The following LIMD1 variants were observed in gnomAD, a reference collection of about 807,000 sequenced individuals.
LIMD1 encodes LIM domain containing 1.
In LIMD1, 23 loss-of-function variants were observed where a neutral mutation model predicts 58.4. That is an observed-to-expected ratio of 0.39 (90% CI 0.28 to 0.56). The LOEUF (loss-of-function observed/expected upper bound fraction) is 0.56. Ranked by LOEUF, LIMD1 falls within the 20% of genes least tolerant of loss-of-function variation. LIMD1 has a pLI of 0.57. For missense variants in LIMD1, 838 were observed against 855.5 expected (o/e 0.98, Z 0.25); for synonymous variants, 334 against 345.5 (o/e 0.97, Z 0.37).
intron 1 of LIMD1, among the ~76,000 whole-genome samples, chr3:45,606,717 C>T (rs1026272389): frequency 6.6e-6 from 1 of 152,192 alleles, no homozygotes; most frequent in East Asian, 1.9e-4. Context: ...TTCCCTTGGG[C>T]GTGAGCAAGA....
Position 45,595,266 on chromosome 3 carries a change from G to A in LIMD1, c.387G>A (p.Pro129=), listed in dbSNP as rs776359286. 3.1e-6 allele frequency: 5 copies of A among 1,611,596 alleles called. No homozygotes were observed. The highest frequency in any genetic ancestry group is 2.5e-6 in the Non-Finnish European group (3 of 1,179,490). ...CTGCTGGGCAGCCCCCGTACCCACC[G>A]CAGGAGCAGAGATCCAGGCCATACC... is the stretch of plus-strand genomic sequence containing the variant. ...TLAAGQPPYP[P]QEQRSRPYLH... is the part of the protein sequence containing the mutation. The change falls in exon 1 of 8, where the codon CCG becomes CCA. Residue 129 remains proline (P), a synonymous_variant. Transcript: ENST00000273317.
chr3:45,657,583 A>C (rs1697355102), intron 2 of LIMD1, among the ~76,000 whole-genome samples: 1 of 152,004 alleles, frequency 6.6e-6, no homozygotes, highest in Non-Finnish European at 1.5e-5. Flanking sequence ...TCCTGGCAGA[A>C]GAGAGAAACT....
rs10572210 is a variant in LIMD1 at position 45,658,535 on chromosome 3, C to CTTTTTTT, written c.1511-7089_1511-7083dup. Among the ~76,000 whole-genome samples, 120 of 44,778 alleles carry CTTTTTTT rather than the reference C, an allele frequency of 2.7e-3. 4 individuals carry two copies. Among genetic ancestry groups the CTTTTTTT allele is most frequent in the East Asian group, 5.3e-3 (4 of 760 alleles). The allele number at this position is 44,778 out of a possible 152,430, so 29.4% of individuals were successfully genotyped here. On this transcript the variant is annotated intron_variant, in intron 2 of 7. Transcript: ENST00000273317. ...AACCATCCCCTCCACCATGCAGATTCTTTTTTTTTTTTTTTTTTTTTTTTT... is the reference window on the plus strand; with the variant it reads ...AACCATCCCCTCCACCATGCAGATTCTTTTTTTTTTTTTTTTTTTTTTTTTTTTTTTT...
chr3:45,599,853 C>T (rs1345348194), intron 1 of LIMD1, among the ~76,000 whole-genome samples: 3 of 152,190 alleles, frequency 2.0e-5, no homozygotes, highest in Admixed American at 6.5e-5. Flanking sequence ...AGAGGGTTTG[C>T]TCCACACCTG....
chr3:45,670,798 T>C lies in LIMD1; in HGVS notation c.1642-1892T>C, dbSNP rs781674633. 6.6e-5 allele frequency among the ~76,000 whole-genome samples: 10 copies of C among 152,304 alleles called. 1 individual carries two copies. Among genetic ancestry groups the C allele is most frequent in the Admixed American group, 5.9e-4 (9 of 15,302 alleles). ...TAGTATGAAGTTGAAGCTTCAGTCT[T>C]TCAGGTCTTCCCTAGGACTTGAAAA... On this transcript the variant is annotated intron_variant, in intron 4 of 7. Coordinates refer to ENST00000273317, the MANE Select transcript of LIMD1 (RefSeq NM_014240.3).
chr3:45,631,475 G>A (rs1202766831), intron 1 of LIMD1, among the ~76,000 whole-genome samples: 1 of 151,966 alleles, frequency 6.6e-6, no homozygotes, highest in African/African-American at 2.4e-5. Context: ...CTTCTTATGG[G>A]GTCTTCCTCA....
intron 2 of LIMD1, among the ~76,000 whole-genome samples, chr3:45,648,648 A>G (rs1313820361): frequency 6.6e-6 from 1 of 152,140 alleles, no homozygotes; most frequent in East Asian, 1.9e-4. Flanking sequence ...CCTTTTGAGG[A>G]CCTGTTTTTT....
At chr3:45,669,593 C>T (rs992773088) in intron 4 of LIMD1, among the ~76,000 whole-genome samples, 2 of 152,170 alleles carry the variant, frequency 1.3e-5, no homozygotes, top group African/African-American at 4.8e-5. Context: ...AGACCCCACT[C>T]CCACAAAGGC....
intron 6 of LIMD1, 54 bp from the exon 7 acceptor site, chr3:45,674,289 G>C: frequency 2.8e-6 from 4 of 1,427,250 alleles, no homozygotes; most frequent in South Asian, 1.2e-5. Flanking sequence ...CATCAAGCCC[G>C]ACAGCCCCCC....
intron 2 of LIMD1, among the ~76,000 whole-genome samples, chr3:45,638,438 G>A (rs1420347554): frequency 2.0e-5 from 3 of 152,140 alleles, no homozygotes; most frequent in African/African-American, 7.2e-5. Flanking sequence ...TCAGCTATTT[G>A]GTTTTCTGTT....
chr3:45,627,027 A>AAGGAG (rs1701673975), intron 1 of LIMD1, among the ~76,000 whole-genome samples: 3 of 152,148 alleles, frequency 2.0e-5, no homozygotes, highest in African/African-American at 7.2e-5. Context: ...TCAAAAATCC[A>AAGGAG]CTGTGCTCCC....
rs377570801 is a variant in LIMD1 at position 45,595,098 on chromosome 3, G to A, written c.219G>A (p.Gly73=). ...QLLQEETLPR[G]SRGPVNGGGR... ...TGCAGGAGGAGACTCTGCCCAGGGGGAGTAGAGGCCCTGTCAATGGAGGGG... is the reference window on the plus strand; with the variant it reads ...TGCAGGAGGAGACTCTGCCCAGGGGAAGTAGAGGCCCTGTCAATGGAGGGG... Residue 73 remains glycine, a synonymous_variant, in exon 1 of 8, where the codon GGG becomes GGA. Transcript: ENST00000273317. 6.2e-6 allele frequency: 10 copies of A among 1,612,610 alleles called. No individual in the cohort carries two copies. The highest frequency in any genetic ancestry group is 8.5e-6 in the Non-Finnish European group (10 of 1,179,512).
intron 2 of LIMD1, among the ~76,000 whole-genome samples, chr3:45,643,539 T>C (rs976313222): frequency 2.0e-5 from 3 of 151,946 alleles, no homozygotes; most frequent in African/African-American, 7.3e-5. Context: ...TCCTGTGTGC[T>C]CACTCCAGGC....
At chr3:45,639,338 G>A (rs1015560630) in intron 2 of LIMD1, among the ~76,000 whole-genome samples, 1 of 152,332 alleles carries the variant, frequency 6.6e-6, no homozygotes, top group Non-Finnish European at 1.5e-5. Flanking sequence ...GTTACCATTT[G>A]AATTAGGGAA....
chr3:45,671,093 G>C (rs1307516795), intron 4 of LIMD1, among the ~76,000 whole-genome samples: 1 of 152,180 alleles, frequency 6.6e-6, no homozygotes, highest in Non-Finnish European at 1.5e-5. Context: ...GCATTCCAAG[G>C]TCCAAATTGC....
chr3:45,674,560 T>C, intron 7 of LIMD1, 149 bp downstream of exon 7: 2 of 624,392 alleles, frequency 3.2e-6, no homozygotes, highest in South Asian at 3.9e-5. Context: ...GAAGGCTGGT[T>C]CTTGGGGGAG....
At chr3:45,607,354 A>G (rs1411811478) in intron 1 of LIMD1, among the ~76,000 whole-genome samples, 1 of 151,982 alleles carries the variant, frequency 6.6e-6, no homozygotes, top group Non-Finnish European at 1.5e-5. Flanking sequence ...AGTTCTTGGG[A>G]TCCACAGCCA....
chr3:45,615,198 C>T (rs1701565173), intron 1 of LIMD1, among the ~76,000 whole-genome samples: 3 of 152,078 alleles, frequency 2.0e-5, no homozygotes, highest in Non-Finnish European at 4.4e-5. Context: ...CAAAGAGAGG[C>T]ATTTGTGGGA....
chr3:45,681,941 A>C lies in LIMD1; in HGVS notation c.*4882A>C, dbSNP rs1189976797. ...TCTCTTCTGAGGTTATGACCAAAGA[A>C]TCCTCAAGGCGAGTGATCCTTCAGG... On this transcript the variant is annotated 3_prime_UTR_variant, in exon 8 of 8. Transcript: ENST00000273317. 1.3e-5 allele frequency: 2 copies of C among 152,240 alleles called. No homozygotes were observed. The highest frequency in any genetic ancestry group is 4.8e-5 in the African/African-American group (2 of 41,456). 9.4% of individuals were successfully genotyped at this position (152,240 alleles called of 1,614,324 possible).
Sources: allele counts gnomAD v4.1 joint callset (sites outside exome capture counted in the v4.1 genomes callset), GRCh38; gene constraint gnomAD v4.1.1; transcripts MANE v1.5; gene names NCBI Gene and HGNC (gene_info 2026-07-23, HGNC 2026-07-21).